PPA1: variants seen among roughly 807,000 people sequenced by gnomAD.
The protein encoded by PPA1 is inorganic pyrophosphatase 1.
PPA1 carries 23 observed loss-of-function variants against 41.8 expected under a neutral mutation model. The observed-to-expected ratio is 0.55, with a 90% CI of 0.40 to 0.78. The LOEUF (loss-of-function observed/expected upper bound fraction) is 0.78. Among genes scored for constraint, PPA1 ranks in the 30% least tolerant of loss-of-function variants. PPA1 has a pLI of 0.00. For synonymous variants in PPA1, 101 were observed against 116.8 expected (o/e 0.86, Z 0.87); for missense variants, 320 against 361.6 (o/e 0.89, Z 0.93).
chr10:70,220,555 TATATA>T (rs1362931110), intron 2 of PPA1, among the ~76,000 whole-genome samples: 1 of 73,288 alleles, frequency 1.4e-5, no homozygotes, highest in East Asian at 3.5e-4. Flanking sequence ...GTATAATATA[TATATA>T]ATTATATATA....
intron 4 of PPA1, 38 bp downstream of exon 4, chr10:70,217,774 C>A: frequency 3.4e-6 from 5 of 1,462,666 alleles, no homozygotes; most frequent in Non-Finnish European, 4.6e-6. Flanking sequence ...ATTTAGTAAG[C>A]TAAAAAGTAC....
chr10:70,215,922 C>T (rs1840075350), intron 4 of PPA1, among the ~76,000 whole-genome samples: 1 of 152,198 alleles, frequency 6.6e-6, no homozygotes, highest in African/African-American at 2.4e-5. Context: ...CAGAACATCT[C>T]ACAAAAGAAC....
intron 4 of PPA1, 42 bp from the exon 5 acceptor site, chr10:70,214,628 A>G: frequency 2.1e-6 from 3 of 1,463,166 alleles, no homozygotes; most frequent in South Asian, 2.4e-5. Context: ...ATACATACTG[A>G]CAAAATGGAT....
At chr10:70,209,084 G>C in intron 8 of PPA1, 121 bp downstream of exon 8, 1 of 659,246 alleles carries the variant, frequency 1.5e-6, no homozygotes, top group East Asian at 3.0e-5. Context: ...GTGAGCCACC[G>C]CACCCAGCCT....
chr10:70,221,058 T>TTATATATATA (rs1470145450), intron 2 of PPA1, among the ~76,000 whole-genome samples: 11 of 23,188 alleles, frequency 4.7e-4, no homozygotes, highest in African/African-American at 4.1e-3. Flanking sequence ...TATATATAAT[T>TTATATATATA]TATATATATA....
At chr10:70,227,757 G>A (rs1042591396) in intron 2 of PPA1, among the ~76,000 whole-genome samples, 10 of 151,158 alleles carry the variant, frequency 6.6e-5, no homozygotes, top group African/African-American at 2.4e-4. Context: ...CCTTAGTGGA[G>A]CTGACTGAGC....
intron 9 of PPA1, 158 bp downstream of exon 9, chr10:70,206,106 T>C (rs1839936348): frequency 1.6e-6 from 1 of 615,968 alleles, no homozygotes; most frequent in Non-Finnish European, 3.0e-6. Context: ...AAATGGCCAC[T>C]TGCATGTGTT....
intron 9 of PPA1, chr10:70,205,210 C>A: frequency 1.1e-5 from 2 of 179,758 alleles, no homozygotes; most frequent in Non-Finnish European, 2.3e-5. Flanking sequence ...TGGTGAAACC[C>A]CGTCTCTACT....
rs540470230 is a variant in PPA1, at chr10:70,229,089, C to G, written c.123+1252G>C. Among the ~76,000 whole-genome samples the G allele has an allele frequency of 2.6e-5, 4 of 152,274 alleles. No individual in the cohort carries two copies. The South Asian group carries it at 8.3e-4, about 32-fold the overall frequency. On this transcript the variant is annotated intron_variant, in intron 2 of 10. Coordinates refer to ENST00000373232, the MANE Select transcript of PPA1 (RefSeq NM_021129.4). Reference sequence around the variant, plus strand: ...GTAGAAAAAGAATAAGATATTTGTCCTTGTGTTAAGTTGCTAAATACAGTA... The same window carrying G: ...GTAGAAAAAGAATAAGATATTTGTCGTTGTGTTAAGTTGCTAAATACAGTA...
chr10:70,206,989 T>C lies in PPA1; in HGVS notation c.726-656A>G, dbSNP rs908014543. Among the ~76,000 whole-genome samples the C allele has an allele frequency of 2.0e-5, 3 of 149,504 alleles. No individual in the cohort carries two copies. The South Asian group carries it at 6.3e-4, about 31-fold the overall frequency. On this transcript the variant is annotated intron_variant, in intron 8 of 10. Coordinates refer to ENST00000373232, the MANE Select transcript of PPA1 (RefSeq NM_021129.4). ...AATTGAGAAACATATCTTTCTTAAT[T>C]GGAAAAAATAATGAAACAAAAAAAA...
intron 6 of PPA1, among the ~76,000 whole-genome samples, chr10:70,211,179 T>G (rs2136755240): frequency 6.6e-6 from 1 of 152,308 alleles, no homozygotes. Context: ...ACTAGTAAAT[T>G]TCAAAGAACT....
intron 2 of PPA1, among the ~76,000 whole-genome samples, chr10:70,225,541 T>C (rs1395453930): frequency 6.6e-6 from 1 of 152,054 alleles, no homozygotes. Context: ...ATCTTTATTG[T>C]TTTGCAATAA....
intron 2 of PPA1, among the ~76,000 whole-genome samples, chr10:70,222,042 T>C (rs141346713): frequency 9.7e-4 from 148 of 152,088 alleles, no homozygotes; most frequent in African/African-American, 3.3e-3. Flanking sequence ...TTTTAGAAAT[T>C]AGCTGGGTGA....
At chr10:70,229,647 T>C (rs1484191309) in intron 2 of PPA1, among the ~76,000 whole-genome samples, 1 of 152,224 alleles carries the variant, frequency 6.6e-6, no homozygotes, top group Non-Finnish European at 1.5e-5. Context: ...CTATACTCAT[T>C]GAATAATCTA....
chr10:70,210,604 G>C (rs1032708878), intron 6 of PPA1, among the ~76,000 whole-genome samples: 1 of 152,040 alleles, frequency 6.6e-6, no homozygotes, highest in African/African-American at 2.4e-5. Context: ...TAGCCTCAAT[G>C]TTATCAAACT....
intron 8 of PPA1, among the ~76,000 whole-genome samples, chr10:70,207,267 T>C (rs932185515): frequency 5.3e-5 from 8 of 152,146 alleles, no homozygotes; most frequent in African/African-American, 1.9e-4. Flanking sequence ...TGTCCAATAA[T>C]AAGAAATGAT....
In PPA1 at chr10:70,218,746, T is replaced by C. The variant is rs753715642; in HGVS notation, c.177+18A>G. 6.3e-7 allele frequency: 1 copy of C among 1,588,466 alleles called. No homozygotes were observed. The highest frequency in any genetic ancestry group is 1.1e-5 in the South Asian group (1 of 90,372). ...ACCAATATCCTAAGTCTGACTCAAA[T>C]GTAAGGTGAAATATTACCTCCATTT... On this transcript the variant is annotated intron_variant, in intron 3 of 10. Transcript: ENST00000373232.
chr10:70,204,528 T>G, intron 10 of PPA1: 1 of 197,610 alleles, frequency 5.1e-6, no homozygotes, highest in African/African-American at 2.3e-5. Flanking sequence ...AGCTGAAGGA[T>G]GGGGAAAGGG....
At chr10:70,230,317 T>C in intron 2 of PPA1, 24 bp downstream of exon 2, 1 of 1,611,236 alleles carries the variant, frequency 6.2e-7, no homozygotes, top group Non-Finnish European at 8.5e-7. Flanking sequence ...AAAGAGACTG[T>C]GTCCAAAAAC....
Sources: gnomAD v4.1 joint callset for allele counts (sites outside exome capture counted in the v4.1 genomes callset) on GRCh38, gnomAD v4.1.1 for gene constraint, MANE v1.5 for transcripts, NCBI Gene and HGNC (gene_info 2026-07-23, HGNC 2026-07-21) for gene names.